TMEM150C: variants seen among roughly 807,000 people sequenced by gnomAD.
The protein encoded by TMEM150C is transmembrane protein 150C, also known as tentonin 3.
TMEM150C carries 10 observed loss-of-function variants against 29.9 expected under a neutral mutation model. The ratio of observed to expected loss-of-function variants is 0.33; its 90% CI spans 0.21 to 0.57. The LOEUF is 0.57. TMEM150C is among the 20% of genes least tolerant of loss of function. The probability of loss-of-function intolerance (pLI) is 0.88; values close to 1 mark genes in which losing one functional copy is unlikely to be tolerated. For missense variants in TMEM150C, 251 were observed against 303.6 expected (o/e 0.83, Z 1.29); for synonymous variants, 101 against 112.5 (o/e 0.90, Z 0.64).
intron 1 of TMEM150C, among the ~76,000 whole-genome samples, chr4:82,507,300 A>G (rs1723957415): frequency 6.6e-6 from 1 of 152,226 alleles, no homozygotes; most frequent in Non-Finnish European, 1.5e-5. Context: ...TCAAATGGAC[A>G]AATACTCATG....
intron 1 of TMEM150C, among the ~76,000 whole-genome samples, chr4:82,543,499 T>C (rs1365675751): frequency 6.6e-6 from 1 of 152,216 alleles, no homozygotes; most frequent in Non-Finnish European, 1.5e-5. Context: ...GTAACGCTGT[T>C]ACTACTTTTT....
intron 1 of TMEM150C, among the ~76,000 whole-genome samples, chr4:82,550,227 T>G (rs1324361497): frequency 6.6e-6 from 1 of 152,134 alleles, no homozygotes; most frequent in Non-Finnish European, 1.5e-5. Flanking sequence ...AGTTCCACCT[T>G]CACATGCTCT....
chr4:82,503,784 AG>A (rs2110069661), intron 2 of TMEM150C, among the ~76,000 whole-genome samples: 1 of 152,260 alleles, frequency 6.6e-6, no homozygotes, highest in South Asian at 2.1e-4. Flanking sequence ...CAGGAGGCAG[AG>A]CTTGCAGTGA....
intron 1 of TMEM150C, among the ~76,000 whole-genome samples, chr4:82,533,113 A>T (rs535411000): frequency 1.4e-4 from 22 of 152,284 alleles, no homozygotes; most frequent in African/African-American, 5.1e-4. Context: ...TTATTTCAAT[A>T]TTTATGAATC....
At chr4:82,542,804 A>T (rs2083260876) in intron 1 of TMEM150C, among the ~76,000 whole-genome samples, 1 of 152,140 alleles carries the variant, frequency 6.6e-6, no homozygotes. Context: ...ATCCAGGTGA[A>T]AGACACACTA....
intron 1 of TMEM150C, among the ~76,000 whole-genome samples, chr4:82,524,393 A>T (rs1724588488): frequency 6.6e-6 from 1 of 152,124 alleles, no homozygotes; most frequent in Non-Finnish European, 1.5e-5. Flanking sequence ...TTAGGTAGAC[A>T]TTTCTAAAAA....
chr4:82,560,152 C>G (rs999459929), intron 1 of TMEM150C, among the ~76,000 whole-genome samples: 3 of 152,080 alleles, frequency 2.0e-5, no homozygotes, highest in African/African-American at 7.2e-5. Flanking sequence ...AGCAAATTAT[C>G]CCCCCACAAA....
chr4:82,547,587 A>G (rs1725429112), intron 1 of TMEM150C, among the ~76,000 whole-genome samples: 1 of 150,740 alleles, frequency 6.6e-6, no homozygotes, highest in Non-Finnish European at 1.5e-5. Context: ...AGACTGTCTC[A>G]AAAATAAAAA....
intron 1 of TMEM150C, among the ~76,000 whole-genome samples, chr4:82,537,963 A>G (rs1020160340): frequency 6.6e-6 from 1 of 152,196 alleles, no homozygotes; most frequent in Non-Finnish European, 1.5e-5. Flanking sequence ...GTCTGTGGTA[A>G]TTTGTTGTGG....
chr4:82,536,920 A>G (rs1006303110), intron 1 of TMEM150C, among the ~76,000 whole-genome samples: 2 of 152,234 alleles, frequency 1.3e-5, no homozygotes, highest in Non-Finnish European at 2.9e-5. Context: ...AAGATTTTAC[A>G]TTAGAAGAAA....
At chr4:82,550,392 T>C (rs1299233167) in intron 1 of TMEM150C, among the ~76,000 whole-genome samples, 1 of 152,132 alleles carries the variant, frequency 6.6e-6, no homozygotes, top group Non-Finnish European at 1.5e-5. Context: ...CCGTTCTTTA[T>C]AGCACTGTGA....
chr4:82,530,839 G>C (rs906747905), intron 1 of TMEM150C, among the ~76,000 whole-genome samples: 3 of 152,222 alleles, frequency 2.0e-5, no homozygotes, highest in African/African-American at 4.8e-5. Flanking sequence ...CATTATGGTG[G>C]AAGGCGAAGG....
At chr4:82,508,082 T>G (rs1384024172) in intron 1 of TMEM150C, among the ~76,000 whole-genome samples, 2 of 152,172 alleles carry the variant, frequency 1.3e-5, no homozygotes, top group Non-Finnish European at 2.9e-5. Flanking sequence ...GAGATGGATC[T>G]TTTTCTTGCA....
At chr4:82,529,965 G>A (rs1275282306) in intron 1 of TMEM150C, among the ~76,000 whole-genome samples, 3 of 151,954 alleles carry the variant, frequency 2.0e-5, no homozygotes, top group Non-Finnish European at 2.9e-5. Context: ...AAAGAGGGAG[G>A]GAATGTGTAG....
intron 1 of TMEM150C, among the ~76,000 whole-genome samples, chr4:82,532,681 C>T (rs1724884124): frequency 6.6e-6 from 1 of 150,800 alleles, no homozygotes; most frequent in Non-Finnish European, 1.5e-5. Flanking sequence ...TACAGCAAGG[C>T]AAAATAATTC....
intron 1 of TMEM150C, among the ~76,000 whole-genome samples, chr4:82,506,603 G>A (rs929529841): frequency 2.6e-5 from 4 of 152,126 alleles, no homozygotes; most frequent in African/African-American, 9.7e-5. Flanking sequence ...TAATGAATAC[G>A]ACTATTTATA....
chr4:82,540,131 T>C (rs1033455364), intron 1 of TMEM150C, among the ~76,000 whole-genome samples: 11,437 of 112,298 alleles, frequency 0.1, 836 homozygotes, highest in Middle Eastern at 0.19. Context: ...TTTTTTTTTT[T>C]TTTTTTTTTT....
intron 1 of TMEM150C, among the ~76,000 whole-genome samples, chr4:82,525,246 T>C (rs1724615515): frequency 1.3e-5 from 2 of 152,178 alleles, no homozygotes; most frequent in African/African-American, 4.8e-5. Context: ...AGTTGGGGCT[T>C]GGTAAAGGAG....
intron 5 of TMEM150C, among the ~76,000 whole-genome samples, chr4:82,501,561 A>G (rs1723738076): frequency 6.6e-6 from 1 of 152,150 alleles, no homozygotes; most frequent in Non-Finnish European, 1.5e-5. Context: ...AATCTTGCTA[A>G]CTGCACAGAA....
Sources: allele counts gnomAD v4.1 joint callset (sites outside exome capture counted in the v4.1 genomes callset), GRCh38; gene constraint gnomAD v4.1.1; transcripts MANE v1.5; gene names NCBI Gene and HGNC (gene_info 2026-07-23, HGNC 2026-07-21).